The following YIPF1 variants were observed in gnomAD, a reference collection of about 807,000 sequenced individuals.
The protein encoded by YIPF1 is Yip1 domain family member 1.
YIPF1 carries 22 observed loss-of-function variants against 37.0 expected under a neutral mutation model. The observed-to-expected ratio is 0.59, with a 90% confidence interval of 0.42 to 0.85. The LOEUF is 0.85. YIPF1 is among the 40% of genes least tolerant of loss of function. YIPF1 has a pLI of 0.00. For missense variants in YIPF1, 355 were observed against 373.1 expected, an observed-to-expected ratio of 0.95 and a Z score of 0.40; for synonymous variants, 128 against 131.9, an observed-to-expected ratio of 0.97 and a Z score of 0.21.
rs763814243 is a variant in YIPF1 at position 53,866,426 on chromosome 1, T to C, written c.649-44A>G. The C allele has an allele frequency of 1.1e-5, 17 of 1,594,158 alleles. No individual in the cohort carries two copies. In the Admixed American group the frequency reaches 1.4e-4, roughly 13 times the overall value. ...AGGAGCGGGGAGTTCTTGGGAGGCATTTGTTCATTCCAGGCACATATGTTT... is the reference window on the plus strand; with the variant it reads ...AGGAGCGGGGAGTTCTTGGGAGGCACTTGTTCATTCCAGGCACATATGTTT... On this transcript the variant is annotated intron_variant, in intron 8 of 10. Transcript: ENST00000072644.
At chr1:53,875,866 C>T (rs1243053070) in intron 6 of YIPF1, among the ~76,000 whole-genome samples, 1 of 152,220 alleles carries the variant, frequency 6.6e-6, no homozygotes, top group East Asian at 1.9e-4. Context: ...TTTATACAAA[C>T]ACTTCATGTC....
rs138810461 is a variant in YIPF1, at chr1:53,859,158, T to C, written c.*8+898A>G. 7.4e-3 allele frequency among the ~76,000 whole-genome samples: 1,128 copies of C among 152,244 alleles called. 13 individuals are homozygous for C. The highest frequency in any genetic ancestry group is 0.026 in the African/African-American group (1,085 of 41,530). On this transcript the variant is annotated intron_variant, in intron 10 of 10. Coordinates refer to ENST00000072644, the MANE Select transcript of YIPF1 (RefSeq NM_018982.5). ...GTATACTAGGTTATGTGGTAGGCAA[T>C]GAAGATATAGAGTAACACCATGCCT... is the stretch of plus-strand genomic sequence containing the variant.
intron 3 of YIPF1, among the ~76,000 whole-genome samples, chr1:53,887,972 A>G (rs1264655993): frequency 6.6e-6 from 1 of 152,356 alleles, no homozygotes; most frequent in East Asian, 1.9e-4. Flanking sequence ...TCATGCCTGT[A>G]ATCCCAGCAC....
chr1:53,872,037 G>A (rs997580445), intron 6 of YIPF1, among the ~76,000 whole-genome samples: 3 of 149,794 alleles, frequency 2.0e-5, no homozygotes, highest in Non-Finnish European at 4.4e-5. Flanking sequence ...TGTGCTTAAG[G>A]CTTTTTCTTT....
intron 2 of YIPF1, 58 bp downstream of exon 2, chr1:53,889,186 A>G (rs1474918125): frequency 9.8e-6 from 4 of 409,124 alleles, no homozygotes; most frequent in Non-Finnish European, 1.8e-5. Flanking sequence ...CGGGGATCCA[A>G]AGGTTCCAAT....
intron 3 of YIPF1, among the ~76,000 whole-genome samples, chr1:53,885,390 C>T (rs1650617579): frequency 6.6e-6 from 1 of 152,148 alleles, no homozygotes; most frequent in Non-Finnish European, 1.5e-5. Context: ...AACTGGTGGT[C>T]CCAGCTACTT....
intron 5 of YIPF1, 103 bp downstream of exon 5, chr1:53,878,539 C>A: frequency 6.8e-7 from 1 of 1,470,380 alleles, no homozygotes; most frequent in Non-Finnish European, 9.3e-7. Flanking sequence ...TTTTGTAAGA[C>A]CATTTTCAGT....
At chr1:53,883,033 T>C in intron 4 of YIPF1, 80 bp downstream of exon 4, 1 of 1,450,058 alleles carries the variant, frequency 6.9e-7, no homozygotes. Context: ...ACACTGTACC[T>C]GGCACACAGT....
chr1:53,852,963 G>T (rs1649632618), intron 10 of YIPF1, among the ~76,000 whole-genome samples: 1 of 152,192 alleles, frequency 6.6e-6, no homozygotes, highest in South Asian at 2.1e-4. Context: ...CCTGAACACT[G>T]GGTATGGTAA....
chr1:53,858,067 G>A (rs1318364612), intron 10 of YIPF1, among the ~76,000 whole-genome samples: 1 of 152,018 alleles, frequency 6.6e-6, no homozygotes, highest in African/African-American at 2.4e-5. Context: ...GTGGCCTTGG[G>A]TAAGGCACTG....
intron 10 of YIPF1, among the ~76,000 whole-genome samples, chr1:53,854,564 T>A (rs1649674257): frequency 6.6e-6 from 1 of 152,222 alleles, no homozygotes; most frequent in Non-Finnish European, 1.5e-5. Flanking sequence ...AACCTTCCAA[T>A]GTCACCACAG....
intron 7 of YIPF1, among the ~76,000 whole-genome samples, chr1:53,869,131 T>TTCTCTCTC (rs759374987): frequency 1.2e-4 from 17 of 139,626 alleles, no homozygotes; most frequent in African/African-American, 4.7e-4. Flanking sequence ...CATGGATACA[T>TTCTCTCTC]TCTCTCTCTC....
chr1:53,857,980 CAAA>C (rs34358598), intron 10 of YIPF1, among the ~76,000 whole-genome samples: 20 of 96,988 alleles, frequency 2.1e-4, no homozygotes, highest in Admixed American at 2.2e-4. Flanking sequence ...GACTCCACCT[CAAA>C]AAAAAAAAAA....
intron 4 of YIPF1, among the ~76,000 whole-genome samples, chr1:53,882,578 T>C (rs1650530985): frequency 6.6e-6 from 1 of 152,092 alleles, no homozygotes; most frequent in Non-Finnish European, 1.5e-5. Context: ...CCACCTTAGT[T>C]TCCCGAGTAG....
chr1:53,878,756 T>C (rs1489375938), intron 4 of YIPF1, 34 bp from the exon 5 acceptor site: 4 of 1,573,404 alleles, frequency 2.5e-6, no homozygotes, highest in East Asian at 2.2e-5. Flanking sequence ...AATGAACACA[T>C]AAGCAATTTC....
chr1:53,852,306 ACC>A (rs1193934896), intron 10 of YIPF1, 36 bp from the exon 11 acceptor site: 3 of 151,154 alleles, frequency 2.0e-5, no homozygotes, highest in African/African-American at 7.3e-5. Context: ...AAGATAAAGC[ACC>A]CCCCCACCCC....
chr1:53,875,506 G>C (rs1183745012), intron 6 of YIPF1, among the ~76,000 whole-genome samples: 1 of 152,156 alleles, frequency 6.6e-6, no homozygotes, highest in East Asian at 1.9e-4. Flanking sequence ...AACAGAGCAA[G>C]ACCCAGTCTC....
intron 9 of YIPF1, among the ~76,000 whole-genome samples, chr1:53,862,949 C>T (rs1323031732): frequency 6.6e-6 from 1 of 152,140 alleles, no homozygotes; most frequent in Non-Finnish European, 1.5e-5. Context: ...AGCCCTTCTG[C>T]AGCGCACAAT....
chr1:53,877,915 A>G (rs1650374654), intron 6 of YIPF1, among the ~76,000 whole-genome samples: 1 of 152,144 alleles, frequency 6.6e-6, no homozygotes, highest in African/African-American at 2.4e-5. Flanking sequence ...TTGGCCTCCC[A>G]AAGTGTTGGG....
Sources: gnomAD v4.1 joint callset for allele counts (sites outside exome capture counted in the v4.1 genomes callset) on GRCh38, gnomAD v4.1.1 for gene constraint, MANE v1.5 for transcripts, NCBI Gene and HGNC (gene_info 2026-07-23, HGNC 2026-07-21) for gene names.